MIB1: variants seen among roughly 807,000 people sequenced by gnomAD.
MIB1 encodes MIB E3 ubiquitin protein ligase 1.
A neutral mutation model predicts 124.5 loss-of-function variants in MIB1; 278 were observed. The observed-to-expected ratio is 2.23, with a 90% CI of 2.02 to 2.47. The LOEUF is 2.47. Among genes scored for constraint, MIB1 ranks in the 30% most tolerant of loss-of-function variants. The pLI is 0.00. For missense variants in MIB1, 957 were observed against 1,254.4 expected, an observed-to-expected ratio of 0.76 and a Z score of 3.58; for synonymous variants, 446 against 429.4, an observed-to-expected ratio of 1.04 and a Z score of -0.48.
chr18:21,843,838 G>C (rs1296270992), intron 14 of MIB1, among the ~76,000 whole-genome samples: 1 of 152,122 alleles, frequency 6.6e-6, no homozygotes, highest in Non-Finnish European at 1.5e-5. Flanking sequence ...TCTTAGAGTA[G>C]ATGAATTAAG....
In MIB1 at chr18:21,837,969, C is replaced by T. The variant is rs764077259; in HGVS notation, c.1830-396C>T. Among the ~76,000 whole-genome samples the T allele has an allele frequency of 2.3e-4, 35 of 152,006 alleles. 1 individual carries two copies. The highest frequency in any genetic ancestry group is 2.3e-3 in the Admixed American group (35 of 15,250). ...TGTTGATACTGAACCTGAGAGGTTC[C>T]CCAAAGCCAAAGTGGTGCCCTCATT... On this transcript the variant is annotated intron_variant, in intron 12 of 20. Transcript: ENST00000261537.
intron 1 of MIB1, among the ~76,000 whole-genome samples, chr18:21,745,897 G>T (rs897341702): frequency 4.9e-4 from 75 of 152,104 alleles, no homozygotes; most frequent in Admixed American, 1.2e-3. Context: ...GGTAGAGACG[G>T]GGTTTCACCA....
intron 1 of MIB1, among the ~76,000 whole-genome samples, chr18:21,731,015 C>T (rs1381000857): frequency 1.3e-5 from 2 of 152,134 alleles, no homozygotes; most frequent in Non-Finnish European, 2.9e-5. Context: ...CTCTTTTTTA[C>T]TTTCACCTCC....
chr18:21,814,404 CATCTT>C (rs758982093), intron 10 of MIB1, among the ~76,000 whole-genome samples: 2 of 150,618 alleles, frequency 1.3e-5, no homozygotes, highest in Non-Finnish European at 3.0e-5. Context: ...TCACACAACT[CATCTT>C]AGTTTACTTT....
intron 1 of MIB1, among the ~76,000 whole-genome samples, chr18:21,732,393 CAG>C (rs2040775968): frequency 1.4e-5 from 2 of 143,440 alleles, no homozygotes; most frequent in African/African-American, 2.7e-5. Context: ...CACACACACA[CAG>C]AGCAAGAGAG....
chr18:21,774,341 C>A (rs1188309320), intron 4 of MIB1, among the ~76,000 whole-genome samples: 1 of 152,204 alleles, frequency 6.6e-6, no homozygotes, highest in African/African-American at 2.4e-5. Context: ...GTAATCCCAG[C>A]ACTTTGGGAG....
chr18:21,740,664 TC>T (rs966422340), upstream of MIB1, among the ~76,000 whole-genome samples: 15 of 152,234 alleles, frequency 9.9e-5, no homozygotes, highest in African/African-American at 3.6e-4. Flanking sequence ...TCCTCATAGC[TC>T]ATTGGGCGCG....
chr18:21,717,577 G>C (rs2040694998), intron 1 of MIB1, among the ~76,000 whole-genome samples: 1 of 152,002 alleles, frequency 6.6e-6, no homozygotes, highest in African/African-American at 2.4e-5. Context: ...CCATCAAAAA[G>C]TGGGCTAAGA....
chr18:21,831,492 T>G (rs1366204589), intron 12 of MIB1: 1 of 152,120 alleles, frequency 6.6e-6, no homozygotes, highest in Non-Finnish European at 1.5e-5. Context: ...CTTGTGCCTC[T>G]CTCTTCCCTG....
chr18:21,737,367 G>A (rs1400848972), upstream of MIB1, among the ~76,000 whole-genome samples: 4 of 152,060 alleles, frequency 2.6e-5, no homozygotes, highest in African/African-American at 9.7e-5. Context: ...TGCCTTATAA[G>A]AGCTGAAGGA....
At chr18:21,851,120 G>A (rs964919707) in intron 17 of MIB1, among the ~76,000 whole-genome samples, 2 of 152,174 alleles carry the variant, frequency 1.3e-5, no homozygotes, top group African/African-American at 2.4e-5. Flanking sequence ...CTGGTTGTCA[G>A]AAGCAGAGTC....
chr18:21,760,920 A>G (rs2041090558), intron 1 of MIB1, among the ~76,000 whole-genome samples: 1 of 152,230 alleles, frequency 6.6e-6, no homozygotes. Flanking sequence ...TGATGATGGA[A>G]CTAAATCAGA....
intron 6 of MIB1, among the ~76,000 whole-genome samples, chr18:21,781,365 T>TTATATATATATATA (rs57641355): frequency 1.9e-4 from 13 of 67,248 alleles, no homozygotes; most frequent in Non-Finnish European, 3.9e-4. Flanking sequence ...TCTGTTCAAG[T>TTATATATATATATA]TATATATATA....
intron 12 of MIB1, among the ~76,000 whole-genome samples, chr18:21,832,003 C>T (rs891734448): frequency 6.6e-6 from 1 of 152,082 alleles, no homozygotes; most frequent in Non-Finnish European, 1.5e-5. Flanking sequence ...TTGCCATATA[C>T]ATGCTTTTAA....
intron 6 of MIB1, 71 bp downstream of exon 6, chr18:21,779,756 A>C: frequency 8.0e-7 from 1 of 1,256,988 alleles, no homozygotes; most frequent in Non-Finnish European, 1.2e-6. Context: ...AGAGAAAGCA[A>C]ATAAAGTGAT....
intron 12 of MIB1, among the ~76,000 whole-genome samples, chr18:21,837,503 G>A (rs1344788913): frequency 6.6e-6 from 1 of 152,180 alleles, no homozygotes; most frequent in African/African-American, 2.4e-5. Flanking sequence ...GCGAGACTCC[G>A]TCTCAGGAAA....
At chr18:21,788,088 A>G (rs1447395215) in intron 6 of MIB1, among the ~76,000 whole-genome samples, 1 of 152,172 alleles carries the variant, frequency 6.6e-6, no homozygotes, top group East Asian at 1.9e-4. Flanking sequence ...ACTCTTACCT[A>G]TTAAAATTCA....
intron 20 of MIB1, among the ~76,000 whole-genome samples, chr18:21,860,410 G>A (rs144301148): frequency 3.7e-4 from 56 of 151,964 alleles, no homozygotes; most frequent in African/African-American, 1.1e-3. Flanking sequence ...TGTTCTTTAC[G>A]TCTTATATAT....
chr18:21,791,450 G>A lies in MIB1; in HGVS notation c.985G>A (p.Gly329Ser). Residue 329 changes from glycine (G) to serine (S), a missense_variant, in exon 7 of 21, where the codon GGC (glycine) becomes AGC (serine). Coordinates refer to ENST00000261537, the MANE Select transcript of MIB1 (RefSeq NM_020774.4). ...AGATGCTGCTCAGGGTGCAGAAGGA[G>A]GCACCTCGCAGTTTCAAGTGGGTGA... ...SGDAAQGAEG[G>S]TSQFQVGDLV... 5 of 1,614,058 alleles carry A rather than the reference G, an allele frequency of 3.1e-6. No individual in the cohort carries two copies. Among genetic ancestry groups the A allele is most frequent in the Non-Finnish European group, 4.2e-6 (5 of 1,179,964 alleles).
Sources: gnomAD v4.1 joint callset for allele counts (sites outside exome capture counted in the v4.1 genomes callset) on GRCh38, gnomAD v4.1.1 for gene constraint, MANE v1.5 for transcripts, NCBI Gene and HGNC (gene_info 2026-07-23, HGNC 2026-07-21) for gene names.